The following NEK10 variants were observed in gnomAD, a reference collection of about 807,000 sequenced individuals.
NEK10 encodes NIMA related kinase 10.
NEK10 carries 122 observed loss-of-function variants against 159.8 expected under a neutral mutation model. That is an observed-to-expected ratio of 0.76 (90% confidence interval 0.66 to 0.89). The LOEUF is 0.89. Among genes scored for constraint, NEK10 ranks in the 40% least tolerant of loss-of-function variants. NEK10 has a pLI of 0.00. For missense variants in NEK10, 1,342 were observed against 1,323.1 expected, an observed-to-expected ratio of 1.01 and a Z score of -0.22; for synonymous variants, 466 against 457.1, an observed-to-expected ratio of 1.02 and a Z score of -0.25.
chr3:27,116,861 G>A (rs1445892644), intron 33 of NEK10, among the ~76,000 whole-genome samples: 3 of 151,864 alleles, frequency 2.0e-5, no homozygotes, highest in African/African-American at 7.3e-5. Flanking sequence ...GGATGTGCAG[G>A]TTTGTAATAT....
At chr3:27,186,267 C>T (rs1948612747) in intron 26 of NEK10, among the ~76,000 whole-genome samples, 2 of 152,202 alleles carry the variant, frequency 1.3e-5, no homozygotes, top group Non-Finnish European at 2.9e-5. Context: ...GTGCACTTCT[C>T]CAGAGCTCTT....
chr3:27,139,083 T>C (rs1299715133), intron 31 of NEK10, among the ~76,000 whole-genome samples: 3 of 152,174 alleles, frequency 2.0e-5, no homozygotes, highest in Admixed American at 6.5e-5. Flanking sequence ...ATATGGCTGA[T>C]AATCGAAATT....
chr3:27,146,704 C>T (rs1944328671), intron 30 of NEK10, among the ~76,000 whole-genome samples: 3 of 152,186 alleles, frequency 2.0e-5, no homozygotes, highest in South Asian at 4.1e-4. Context: ...TTCACCCAGA[C>T]AACCATGGAT....
At chr3:27,231,140 A>G (rs940653108) in intron 23 of NEK10, among the ~76,000 whole-genome samples, 3 of 152,168 alleles carry the variant, frequency 2.0e-5, no homozygotes, top group Admixed American at 6.5e-5. Flanking sequence ...TTAATTTAAG[A>G]AAGTCAAAAT....
At chr3:27,159,909 G>A (rs1306599104) in intron 30 of NEK10, among the ~76,000 whole-genome samples, 1 of 150,386 alleles carries the variant, frequency 6.6e-6, no homozygotes, top group Non-Finnish European at 1.5e-5. Context: ...TAATACATGG[G>A]AAATAATGTT....
chr3:27,338,615 C>T (rs7624947), intron 5 of NEK10, among the ~76,000 whole-genome samples: 2,869 of 152,282 alleles, frequency 0.019, 50 homozygotes, highest in East Asian at 0.064. Flanking sequence ...TAATGATTGC[C>T]ATTCTAACTG....
chr3:27,301,857 A>G (rs760990328), intron 12 of NEK10, 22 bp from the exon 13 acceptor site: 1 of 1,538,700 alleles, frequency 6.5e-7, no homozygotes, highest in Non-Finnish European at 8.8e-7. Context: ...AAGTTAATGC[A>G]TAGACCATTT....
chr3:27,157,415 A>T (rs899915976), intron 30 of NEK10, among the ~76,000 whole-genome samples: 1 of 152,302 alleles, frequency 6.6e-6, no homozygotes, highest in African/African-American at 2.4e-5. Context: ...GAGGGTTTAA[A>T]ACTTCAGTAG....
At chr3:27,181,583 G>T (rs990889882) in intron 26 of NEK10, among the ~76,000 whole-genome samples, 27 of 152,078 alleles carry the variant, frequency 1.8e-4, no homozygotes, top group African/African-American at 6.3e-4. Context: ...TCAGGTCTCT[G>T]CCCAAATGTC....
At chr3:27,335,584 A>G (rs2046746884) in intron 5 of NEK10, among the ~76,000 whole-genome samples, 1 of 152,206 alleles carries the variant, frequency 6.6e-6, no homozygotes, top group Non-Finnish European at 1.5e-5. Context: ...CAGTACATAG[A>G]ACATTCTCCA....
At chr3:27,279,388 A>T (rs570888324) in intron 22 of NEK10, among the ~76,000 whole-genome samples, 16 of 152,186 alleles carry the variant, frequency 1.1e-4, no homozygotes, top group Non-Finnish European at 2.1e-4. Flanking sequence ...ACATGCTTTC[A>T]CACCCACAGC....
intron 5 of NEK10, among the ~76,000 whole-genome samples, chr3:27,334,017 C>T (rs566398343): frequency 1.3e-5 from 2 of 152,344 alleles, no homozygotes; most frequent in African/African-American, 4.8e-5. Flanking sequence ...TGGCCAACAC[C>T]TGTACACAGA....
intron 25 of NEK10, among the ~76,000 whole-genome samples, chr3:27,196,495 G>A (rs921428352): frequency 6.6e-6 from 1 of 152,126 alleles, no homozygotes; most frequent in Non-Finnish European, 1.5e-5. Flanking sequence ...GGGCCTCAGG[G>A]AAATTAAATT....
chr3:27,123,916 C>T (rs1941629213), intron 32 of NEK10, among the ~76,000 whole-genome samples: 1 of 151,734 alleles, frequency 6.6e-6, no homozygotes, highest in South Asian at 2.1e-4. Context: ...GTGGAGACAG[C>T]AAGGGGCAAG....
chr3:27,304,851 G>C lies in NEK10; in HGVS notation c.924C>G (p.Leu308=). 1.9e-6 allele frequency: 3 copies of C among 1,613,490 alleles called. No homozygotes were observed. The highest frequency in any genetic ancestry group is 1.7e-4 in the Middle Eastern group (1 of 6,056). Reference sequence around the variant, plus strand: ...GTACCAGAATCCAGACAATGCTCCAGAGGAGCTTCAAGTGGTCAGAGTGGA... The same window carrying C: ...GTACCAGAATCCAGACAATGCTCCACAGGAGCTTCAAGTGGTCAGAGTGGA... ...SLLHSDHLKL[L]WSIVWILVQV... The change falls in exon 12 of 36, where the codon CTC becomes CTG. Residue 308 remains leucine, a synonymous_variant. Coordinates refer to ENST00000691995, the MANE Select transcript of NEK10 (RefSeq NM_001394966.1).
chr3:27,259,596 G>A (rs62258167), intron 22 of NEK10, among the ~76,000 whole-genome samples: 24,884 of 152,160 alleles, frequency 0.16, 2,169 homozygotes, highest in Non-Finnish European at 0.2. Context: ...TTTGGTACCA[G>A]TACCATGCTG....
rs1201643892 is a variant in NEK10 at position 27,108,478 on chromosome 3, T to C, written c.*2794A>G. Among the ~76,000 whole-genome samples, 1 of 152,172 alleles carries C rather than the reference T, an allele frequency of 6.6e-6. No homozygotes were observed. Among genetic ancestry groups the C allele is most frequent in the Non-Finnish European group, 1.5e-5 (1 of 68,004 alleles). ...AAATTAAGGTTTCAAGTACACATAA[T>C]TCAGAAAGAGCTGGTGGGTCGAAAC... On this transcript the variant is annotated 3_prime_UTR_variant, in exon 36 of 36. Coordinates refer to ENST00000691995, the MANE Select transcript of NEK10 (RefSeq NM_001394966.1).
chr3:27,291,222 G>C, intron 18 of NEK10, 40 bp downstream of exon 18: 2 of 1,591,688 alleles, frequency 1.3e-6, no homozygotes, highest in Non-Finnish European at 1.7e-6. Context: ...CATCCGGTTT[G>C]GTTGGGAGTA....
intron 23 of NEK10, among the ~76,000 whole-genome samples, chr3:27,235,616 T>C (rs892516827): frequency 1.3e-5 from 2 of 152,068 alleles, no homozygotes; most frequent in Admixed American, 6.6e-5. Context: ...AAATAACAGA[T>C]GCTGATGAGG....
Sources: gnomAD v4.1 joint callset for allele counts (sites outside exome capture counted in the v4.1 genomes callset) on GRCh38, gnomAD v4.1.1 for gene constraint, MANE v1.5 for transcripts, NCBI Gene and HGNC (gene_info 2026-07-23, HGNC 2026-07-21) for gene names.